NEK7: variants seen among roughly 807,000 people sequenced by gnomAD.
NEK7 encodes NIMA related kinase 7.
In NEK7, 18 loss-of-function variants were observed where a neutral mutation model predicts 44.6. The observed-to-expected ratio is 0.40, with a 90% CI of 0.28 to 0.60. NEK7 has a LOEUF of 0.60. NEK7 is among the 20% of genes least tolerant of loss of function. NEK7 has a pLI of 0.38. For missense variants in NEK7, 256 were observed against 366.5 expected, an observed-to-expected ratio of 0.70 and a Z score of 2.46; for synonymous variants, 130 against 121.1, an observed-to-expected ratio of 1.07 and a Z score of -0.48.
intron 1 of NEK7, 118 bp from the exon 2 acceptor site, chr1:198,232,433 CAG>C (rs1373438561): frequency 5.3e-6 from 3 of 561,318 alleles, no homozygotes; most frequent in South Asian, 2.2e-5. Context: ...TGGTATATCT[CAG>C]TGAATTTTTG....
intron 9 of NEK7, among the ~76,000 whole-genome samples, chr1:198,301,476 G>A (rs550641181): frequency 4.6e-5 from 7 of 152,378 alleles, no homozygotes; most frequent in African/African-American, 1.7e-4. Flanking sequence ...CGTGAACCCA[G>A]GAGGCAGAAC....
intron 1 of NEK7, among the ~76,000 whole-genome samples, chr1:198,175,439 C>A (rs1664577867): frequency 6.6e-6 from 1 of 152,138 alleles, no homozygotes; most frequent in Non-Finnish European, 1.5e-5. Flanking sequence ...TTCCATAAGG[C>A]CTTATCAACT....
At chr1:198,276,013 G>C (rs746195551) in intron 5 of NEK7, among the ~76,000 whole-genome samples, 2 of 151,458 alleles carry the variant, frequency 1.3e-5, no homozygotes, top group Non-Finnish European at 3.0e-5. Flanking sequence ...AACGAATTTG[G>C]ATACTTAACT....
At chr1:198,311,517 G>A (rs1348499939) in intron 9 of NEK7, among the ~76,000 whole-genome samples, 16 of 151,290 alleles carry the variant, frequency 1.1e-4, no homozygotes, top group East Asian at 3.9e-4. Flanking sequence ...TCTTGTGCCC[G>A]TTTTCAAAGG....
intron 1 of NEK7, among the ~76,000 whole-genome samples, chr1:198,214,294 A>G (rs1158263005): frequency 2.6e-5 from 4 of 152,232 alleles, no homozygotes. Flanking sequence ...CCCCTAAAAG[A>G]TCACAGTAAC....
chr1:198,186,450 C>T (rs966548813), intron 1 of NEK7, among the ~76,000 whole-genome samples: 1 of 152,148 alleles, frequency 6.6e-6, no homozygotes, highest in African/African-American at 2.4e-5. Flanking sequence ...ATCATACAGG[C>T]TGGCAAGGAA....
At chr1:198,189,027 T>C (rs2102762407) in intron 1 of NEK7, among the ~76,000 whole-genome samples, 1 of 152,300 alleles carries the variant, frequency 6.6e-6, no homozygotes, top group Middle Eastern at 3.4e-3. Context: ...ATGGATAATA[T>C]TTACATATCT....
chr1:198,179,170 G>A (rs1299505106), intron 1 of NEK7, among the ~76,000 whole-genome samples: 3 of 151,666 alleles, frequency 2.0e-5, no homozygotes, highest in Non-Finnish European at 2.9e-5. Flanking sequence ...ATTTTCTGTT[G>A]CCAATTCTAA....
chr1:198,247,512 G>T (rs935855556), intron 2 of NEK7, among the ~76,000 whole-genome samples: 3 of 152,146 alleles, frequency 2.0e-5, no homozygotes, highest in Non-Finnish European at 2.9e-5. Flanking sequence ...AAGTTGTGGG[G>T]ACGAAAATGG....
At chr1:198,312,715 G>T (rs1056140405) in intron 9 of NEK7, among the ~76,000 whole-genome samples, 3 of 151,498 alleles carry the variant, frequency 2.0e-5, no homozygotes, top group Admixed American at 6.6e-5. Flanking sequence ...TCATTCAGGA[G>T]CAGGTTGTTC....
chr1:198,215,148 A>AAATT (rs141624273), intron 1 of NEK7, among the ~76,000 whole-genome samples: 4,335 of 152,240 alleles, frequency 0.028, 199 homozygotes, highest in African/African-American at 0.099. Context: ...TCAATACTAG[A>AAATT]CCAGCCATAC....
At chr1:198,234,692 G>T (rs979672425) in intron 2 of NEK7, among the ~76,000 whole-genome samples, 1 of 152,188 alleles carries the variant, frequency 6.6e-6, no homozygotes. Flanking sequence ...TTATAGCAGC[G>T]ATTCTGCATT....
intron 7 of NEK7, among the ~76,000 whole-genome samples, chr1:198,287,297 C>T (rs572371700): frequency 3.3e-5 from 5 of 151,910 alleles, no homozygotes; most frequent in South Asian, 2.1e-4. Context: ...CTGGCTAACA[C>T]GGTGAAACCC....
At chr1:198,253,482 T>C (rs975699661) in intron 3 of NEK7, among the ~76,000 whole-genome samples, 2 of 152,156 alleles carry the variant, frequency 1.3e-5, no homozygotes, top group Non-Finnish European at 2.9e-5. Context: ...TTTAACTAGA[T>C]GTTGAATACT....
intron 1 of NEK7, among the ~76,000 whole-genome samples, chr1:198,207,568 G>A (rs1665634671): frequency 6.6e-6 from 1 of 152,106 alleles, no homozygotes; most frequent in Non-Finnish European, 1.5e-5. Context: ...AATCTGAAAT[G>A]CACCATGCTA....
At chr1:198,284,319 T>C (rs1401398583) in intron 7 of NEK7, among the ~76,000 whole-genome samples, 1 of 152,194 alleles carries the variant, frequency 6.6e-6, no homozygotes, top group Non-Finnish European at 1.5e-5. Flanking sequence ...TGTTTTCTGA[T>C]TTGTTGTTAT....
chr1:198,254,671 C>G (rs183615792), intron 3 of NEK7, among the ~76,000 whole-genome samples: 55 of 152,266 alleles, frequency 3.6e-4, no homozygotes, highest in African/African-American at 1.1e-3. Context: ...AAGAATTTCT[C>G]TCTTGTTTGT....
intron 1 of NEK7, among the ~76,000 whole-genome samples, chr1:198,222,519 G>A (rs1011046314): frequency 2.0e-5 from 3 of 151,846 alleles, no homozygotes; most frequent in Non-Finnish European, 2.9e-5. Flanking sequence ...TACTTTTGAC[G>A]GTGGTACCAC....
intron 1 of NEK7, among the ~76,000 whole-genome samples, chr1:198,193,039 T>A (rs998048647): frequency 3.3e-5 from 5 of 150,554 alleles, no homozygotes; most frequent in Admixed American, 1.3e-4. Flanking sequence ...TTTTTTTTTT[T>A]AAACTAATAA....
Sources: gnomAD v4.1 joint callset for allele counts (sites outside exome capture counted in the v4.1 genomes callset) on GRCh38, gnomAD v4.1.1 for gene constraint, MANE v1.5 for transcripts, NCBI Gene and HGNC (gene_info 2026-07-23, HGNC 2026-07-21) for gene names.